GLI2: variants seen among roughly 807,000 people sequenced by gnomAD.
GLI2 encodes the protein GLI family zinc finger 2.
A neutral mutation model predicts 78.9 loss-of-function variants in GLI2; 22 were observed. The observed-to-expected ratio is 0.28, with a 90% CI of 0.20 to 0.40. The LOEUF (loss-of-function observed/expected upper bound fraction) is 0.40. GLI2 is among the 10% of genes least tolerant of loss of function. GLI2 has a pLI of 1.00. For missense variants in GLI2, 2,097 were observed against 2,213.2 expected (o/e 0.95, Z 1.05); for synonymous variants, 974 against 963.7 (o/e 1.01, Z -0.20).
Position 120,990,281 on chromosome 2 carries a change from A to G in GLI2, c.4316A>G (p.Gln1439Arg). ...TACGGCCAGATCCACATGTACGAACAGGATGGAGGCCTGGAGAACCTCGGG... is the reference window on the plus strand; with the variant it reads ...TACGGCCAGATCCACATGTACGAACGGGATGGAGGCCTGGAGAACCTCGGG... ...YYYGQIHMYE[Q>R]DGGLENLGSC... The change falls in exon 14 of 14, where the codon CAG becomes CGG. Residue 1439 changes from glutamine to arginine, a missense_variant. By Grantham distance (43) the Gln-to-Arg change is conservative (BLOSUM62 1). Transcript: ENST00000361492. 6.2e-7 allele frequency: 1 copy of G among 1,613,742 alleles called. No homozygotes were observed. Among genetic ancestry groups the G allele is most frequent in the Non-Finnish European group, 8.5e-7 (1 of 1,180,014 alleles).
rs1248777858 is a variant in GLI2, at chr2:120,986,601, C to T, written c.2229C>T (p.Pro743=). 6.2e-7 allele frequency: 1 copy of T among 1,614,010 alleles called. No homozygotes were observed. Among genetic ancestry groups the T allele is most frequent in the Non-Finnish European group, 8.5e-7 (1 of 1,179,960 alleles). Residue 743 remains proline (P), a synonymous_variant, in exon 13 of 14, where the codon CCC becomes CCT. Transcript: ENST00000361492. ...TPHTRNTKLP[P]LPGSGSILEN... is the part of the protein sequence containing the mutation. The stretch of plus-strand genomic sequence containing the variant: ...ACACGCGGAACACCAAGCTGCCTCC[C>T]CTCCCGGGAAGTGGTGAGTAAAGGC...
At chr2:120,736,486 G>T (rs1348831956) in intron 1 of GLI2, among the ~76,000 whole-genome samples, 7 of 151,978 alleles carry the variant, frequency 4.6e-5, no homozygotes, top group Non-Finnish European at 8.8e-5. Context: ...CTCTGGACGA[G>T]CAGGGCGGGG....
chr2:120,909,738 G>A (rs933026456), intron 2 of GLI2, among the ~76,000 whole-genome samples: 10 of 152,208 alleles, frequency 6.6e-5, no homozygotes, highest in South Asian at 2.1e-4. Context: ...GGTGGTGGGC[G>A]CCTGTGGTCC....
At chr2:120,907,706 A>T (rs973292474) in intron 2 of GLI2, among the ~76,000 whole-genome samples, 1 of 152,106 alleles carries the variant, frequency 6.6e-6, no homozygotes, top group East Asian at 1.9e-4. Flanking sequence ...TGGATGGGTC[A>T]TGTACTCCTC....
At chr2:120,798,997 A>G (rs906613394) in intron 2 of GLI2, among the ~76,000 whole-genome samples, 2 of 152,184 alleles carry the variant, frequency 1.3e-5, no homozygotes, top group African/African-American at 2.4e-5. Flanking sequence ...TCTCCAAGCC[A>G]TGAGTGGATC....
At chr2:120,818,983 G>A (rs1456775611) in intron 2 of GLI2, among the ~76,000 whole-genome samples, 3 of 151,966 alleles carry the variant, frequency 2.0e-5, no homozygotes, top group Admixed American at 6.6e-5. Context: ...ATATCATTTT[G>A]TTAGAATAGT....
At chr2:120,816,456 A>G (rs774955969) in intron 2 of GLI2, among the ~76,000 whole-genome samples, 3 of 151,974 alleles carry the variant, frequency 2.0e-5, no homozygotes, top group African/African-American at 4.8e-5. Flanking sequence ...AGGCCTCCCA[A>G]AGTGCTGGGA....
chr2:120,884,593 G>A (rs1677305287), intron 2 of GLI2, among the ~76,000 whole-genome samples: 1 of 152,164 alleles, frequency 6.6e-6, no homozygotes, highest in Non-Finnish European at 1.5e-5. Flanking sequence ...AAATGAAGCT[G>A]TGTGCAGGCT....
At chr2:120,815,166 C>T (rs989712592) in intron 2 of GLI2, among the ~76,000 whole-genome samples, 9 of 152,154 alleles carry the variant, frequency 5.9e-5, no homozygotes, top group Admixed American at 4.6e-4. Context: ...TGAGCAGGCT[C>T]TTGCTGACCG....
Position 120,989,342 on chromosome 2 carries a change from C to T in GLI2, c.3377C>T (p.Pro1126Leu). 6.2e-7 allele frequency: 1 copy of T among 1,613,068 alleles called. No homozygotes were observed. The highest frequency in any genetic ancestry group is 2.2e-5 in the East Asian group (1 of 44,872). ...TCCAGCCTGAACAAAAATAACATGC[C>T]TGTGCAGTGGAATGAGGTGAGCTCC... ...APSSLNKNNM[P>L]VQWNEVSSGT... Residue 1126 changes from proline (P) to leucine (L), a missense_variant, in exon 14 of 14, where the codon CCT becomes CTT. Pro to Leu is a moderately conservative substitution (Grantham distance 98, BLOSUM62 -3). This residue lies in a region of GLI2 where 1,290 missense variants were observed against 1,261.7 expected (regional missense o/e 1.02). Coordinates refer to ENST00000361492, the MANE Select transcript of GLI2 (RefSeq NM_001374353.1).
At position 120,921,078 on chromosome 2, in the gene GLI2, C is replaced by T. The variant is rs932179946; in HGVS notation, c.149-6283C>T. On this transcript the variant is annotated intron_variant, in intron 2 of 13. Coordinates refer to ENST00000361492, the MANE Select transcript of GLI2 (RefSeq NM_001374353.1). ...AGTTGGAAAGCAGAATTTTTCCCTC[C>T]TCAGCCTGGCCAGGGGGCTCTGAGC... Among the ~76,000 whole-genome samples the T allele has an allele frequency of 5.1e-4, 77 of 152,120 alleles. 1 individual carries two copies. Among genetic ancestry groups the T allele is most frequent in the Non-Finnish European group, 5.9e-5 (4 of 68,010 alleles).
In GLI2 at chr2:120,992,007, T is replaced by TACACACACACACAC. The variant is rs59277032; in HGVS notation, c.*1363_*1376dup. ...GTGAATTGGTGCATCTTCCCCACCA[T>TACACACACACACAC]ACACACACACACACACACACACACA... On this transcript the variant is annotated 3_prime_UTR_variant, in exon 14 of 14. Coordinates refer to ENST00000361492, the MANE Select transcript of GLI2 (RefSeq NM_001374353.1). 7 of 130,056 alleles carry TACACACACACACAC rather than the reference T, an allele frequency of 5.4e-5. No homozygotes were observed. Among genetic ancestry groups the TACACACACACACAC allele is most frequent in the East Asian group, 2.4e-4 (1 of 4,212 alleles). The allele number at this position is 130,056 out of a possible 1,614,324, so 8.1% of individuals were successfully genotyped here.
At chr2:120,862,498 C>T (rs960531211) in intron 2 of GLI2, among the ~76,000 whole-genome samples, 5 of 152,124 alleles carry the variant, frequency 3.3e-5, no homozygotes, top group African/African-American at 1.2e-4. Flanking sequence ...ATCTGTAAAA[C>T]ATGCTGAGCT....
chr2:120,817,399 A>G (rs1685548394), intron 2 of GLI2, among the ~76,000 whole-genome samples: 2 of 152,104 alleles, frequency 1.3e-5, no homozygotes, highest in Admixed American at 6.5e-5. Context: ...CTTCCATCAC[A>G]TGCCCATCAT....
intron 1 of GLI2, among the ~76,000 whole-genome samples, chr2:120,795,745 C>G (rs973590137): frequency 3.3e-5 from 5 of 151,994 alleles, no homozygotes; most frequent in Admixed American, 1.3e-4. Flanking sequence ...TCTTCCCCAC[C>G]ACCTTCTTTA....
rs557606515 is a variant in GLI2 at position 120,769,396 on chromosome 2, G to A, written c.-30-27895G>A. On this transcript the variant is annotated intron_variant, in intron 1 of 13. Coordinates refer to ENST00000361492, the MANE Select transcript of GLI2 (RefSeq NM_001374353.1). ...GATTCCGGGGCTCCATGGGTGCCGG[G>A]GCCTGGGGGCATCCCCTGAACCTCA... Among the ~76,000 whole-genome samples, 48 of 152,326 alleles carry A rather than the reference G, an allele frequency of 3.2e-4. 1 individual carries two copies. Among genetic ancestry groups the A allele is most frequent in the Admixed American group, 3.3e-4 (5 of 15,304 alleles).
chr2:120,770,898 G>A (rs1271567206), intron 1 of GLI2, among the ~76,000 whole-genome samples: 8 of 152,154 alleles, frequency 5.3e-5, no homozygotes, highest in Admixed American at 5.2e-4. Context: ...CCACCACACC[G>A]TCCACGCCCT....
Position 120,990,022 on chromosome 2 carries a change from C to T in GLI2, c.4057C>T (p.Gln1353Ter). Residue 1353 changes from glutamine (Q) to a stop codon, truncating the protein, a stop_gained, in exon 14 of 14, where the codon CAG (glutamine) becomes TAG (stop). Coordinates refer to ENST00000361492, the MANE Select transcript of GLI2 (RefSeq NM_001374353.1). LOFTEE classifies it low-confidence loss of function (END_TRUNC). ...GGCTACAGCAGGCTTTGGCCTAGTG[C>T]AGCCCCGGCCTCCCCTCGAGCCCAG... ...GVATAGFGLVQPRPPLEPSPT... is the reference protein window; with the variant it reads ...GVATAGFGLV 6.2e-7 allele frequency: 1 copy of T among 1,606,370 alleles called. No homozygotes were observed.
At chr2:120,956,662 G>A (rs557313972) in intron 5 of GLI2, among the ~76,000 whole-genome samples, 15 of 152,222 alleles carry the variant, frequency 9.9e-5, no homozygotes, top group African/African-American at 2.9e-4. Context: ...CCAGCCTCCC[G>A]GAGCCCTGCC....
Sources: allele counts gnomAD v4.1 joint callset (sites outside exome capture counted in the v4.1 genomes callset), GRCh38; gene constraint gnomAD v4.1.1; regional missense constraint gnomAD v4.1.1; transcripts MANE v1.5; gene names NCBI Gene and HGNC (gene_info 2026-07-23, HGNC 2026-07-21).